Variants in CSMD2 observed in about 807,000 individuals in gnomAD.
CSMD2 encodes the protein CUB and Sushi multiple domains 2.
Under a neutral mutation model 398.5 loss-of-function variants are expected in CSMD2, and 130 were observed. The observed-to-expected ratio is 0.33, with a 90% CI of 0.28 to 0.38. The LOEUF (loss-of-function observed/expected upper bound fraction) is 0.38, where lower values mean the gene tolerates loss of function less well. CSMD2 is among the 10% of genes least tolerant of loss of function. The probability of loss-of-function intolerance (pLI) is 1.00; values close to 1 mark genes in which losing one functional copy is unlikely to be tolerated. For synonymous variants in CSMD2, 1,828 were observed against 1,908.5 expected (o/e 0.96, Z 1.10); for missense variants, 3,829 against 4,764.9 (o/e 0.80, Z 5.78).
intron 39 of CSMD2, among the ~76,000 whole-genome samples, 182 bp downstream of exon 39, chr1:33,616,724 G>T (rs945398450): frequency 1.3e-5 from 2 of 152,234 alleles, no homozygotes; most frequent in African/African-American, 4.8e-5. Flanking sequence ...TTCCAAAAGT[G>T]ATGACTGCAT....
chr1:33,599,991 T>A (rs1349454061), intron 44 of CSMD2: 1 of 610,830 alleles, frequency 1.6e-6, no homozygotes, highest in East Asian at 2.8e-5. Flanking sequence ...TCTATCCACA[T>A]GGTTTTGGGC....
chr1:33,554,687 T>A (rs998333711), intron 55 of CSMD2, among the ~76,000 whole-genome samples: 1 of 152,202 alleles, frequency 6.6e-6, no homozygotes, highest in Admixed American at 6.5e-5. Context: ...GCTCTGCTTG[T>A]GCTCTATAAA....
At chr1:33,940,124 T>G (rs1298261610) in intron 3 of CSMD2, among the ~76,000 whole-genome samples, 3 of 152,160 alleles carry the variant, frequency 2.0e-5, no homozygotes, top group Non-Finnish European at 2.9e-5. Flanking sequence ...TCCTAGCTTC[T>G]GGTGGTTTGC....
intron 49 of CSMD2, among the ~76,000 whole-genome samples, chr1:33,575,014 A>T (rs1261160057): frequency 6.6e-6 from 1 of 152,204 alleles, no homozygotes; most frequent in East Asian, 1.9e-4. Flanking sequence ...CTTGTAGATA[A>T]CTAAGGGGAC....
chr1:33,706,796 G>A, intron 22 of CSMD2, among the ~76,000 whole-genome samples: 1 of 151,870 alleles, frequency 6.6e-6, no homozygotes, highest in African/African-American at 2.4e-5. Flanking sequence ...ACGTGTGTGT[G>A]TGTGCGCGTG....
chr1:33,957,346 T>A (rs1306611160), intron 3 of CSMD2, among the ~76,000 whole-genome samples: 1 of 152,148 alleles, frequency 6.6e-6, no homozygotes, highest in Non-Finnish European at 1.5e-5. Flanking sequence ...ACAGAGCACT[T>A]TGCATGCTGC....
chr1:33,574,031 T>A (rs12120267), intron 49 of CSMD2, among the ~76,000 whole-genome samples: 18,040 of 152,180 alleles, frequency 0.12, 1,368 homozygotes, highest in East Asian at 0.25. Context: ...AAGAAAATGA[T>A]TTATAAACTA....
chr1:33,775,008 G>A (rs867673181), intron 12 of CSMD2, among the ~76,000 whole-genome samples: 20 of 152,218 alleles, frequency 1.3e-4, no homozygotes, highest in Admixed American at 9.8e-4. Context: ...CAGGGGATTC[G>A]TGCTGTGGAT....
At chr1:33,781,311 T>C (rs924446659) in intron 12 of CSMD2, among the ~76,000 whole-genome samples, 3 of 152,234 alleles carry the variant, frequency 2.0e-5, no homozygotes, top group African/African-American at 7.2e-5. Context: ...CCAGGGAGAC[T>C]CCCCTGATGC....
intron 13 of CSMD2, among the ~76,000 whole-genome samples, chr1:33,753,904 T>G (rs1648620908): frequency 6.6e-6 from 1 of 152,192 alleles, no homozygotes; most frequent in African/African-American, 2.4e-5. Flanking sequence ...CCTTTTGGAA[T>G]GAGAATGTTT....
chr1:33,801,978 A>G (rs544614980), intron 10 of CSMD2, among the ~76,000 whole-genome samples: 1 of 152,322 alleles, frequency 6.6e-6, no homozygotes, highest in Non-Finnish European at 1.5e-5. Flanking sequence ...CGTCTTTAAA[A>G]ATAAGTTCTG....
At chr1:33,904,791 C>T (rs1206536894) in intron 5 of CSMD2, among the ~76,000 whole-genome samples, 1 of 152,092 alleles carries the variant, frequency 6.6e-6, no homozygotes, top group Non-Finnish European at 1.5e-5. Context: ...GGACTACAGT[C>T]GCCCACCACC....
At chr1:34,003,998 G>T (rs988651477) in intron 3 of CSMD2, among the ~76,000 whole-genome samples, 1 of 152,126 alleles carries the variant, frequency 6.6e-6, no homozygotes, top group Non-Finnish European at 1.5e-5. Flanking sequence ...ATGCCTACCT[G>T]CCCTCTAGCC....
intron 25 of CSMD2, among the ~76,000 whole-genome samples, chr1:33,681,873 G>A (rs971439119): frequency 2.0e-5 from 3 of 152,148 alleles, no homozygotes; most frequent in Non-Finnish European, 2.9e-5. Context: ...GGCTGAGGTC[G>A]GAGAATCACT....
intron 9 of CSMD2, among the ~76,000 whole-genome samples, chr1:33,817,402 A>AT (rs1330201092): frequency 2.0e-5 from 3 of 152,054 alleles, no homozygotes; most frequent in South Asian, 2.1e-4. Flanking sequence ...GGCGGGGAAG[A>AT]TTTTGTTTTC....
intron 4 of CSMD2, among the ~76,000 whole-genome samples, chr1:33,923,817 G>A (rs1160242757): frequency 6.6e-6 from 1 of 152,182 alleles, no homozygotes; most frequent in African/African-American, 2.4e-5. Context: ...CAGGAGGTGA[G>A]TGTTGAGCAA....
rs67825405 is a variant in CSMD2 at position 33,666,541 on chromosome 1, A to ATG, written c.4053-3451_4053-3450dup. On this transcript the variant is annotated intron_variant, in intron 25 of 70. Transcript: ENST00000373381. Reference sequence around the variant, plus strand: ...TAGTTATTTATTGTCAGATATATATATGTGTGTGTGTGTGTGTGTGTGTGT... The same window carrying ATG: ...TAGTTATTTATTGTCAGATATATATATGTGTGTGTGTGTGTGTGTGTGTGTGT... 6.2e-3 allele frequency among the ~76,000 whole-genome samples: 921 copies of ATG among 148,730 alleles called. 5 individuals are homozygous for ATG. The highest frequency in any genetic ancestry group is 0.019 in the African/African-American group (789 of 40,562).
chr1:33,787,911 GT>G (rs1363841887), intron 12 of CSMD2, among the ~76,000 whole-genome samples: 3 of 152,150 alleles, frequency 2.0e-5, no homozygotes, highest in African/African-American at 7.2e-5. Context: ...GTGTTTATCT[GT>G]TCCTAGCCCT....
chr1:33,790,801 A>C (rs1277455103), intron 11 of CSMD2, among the ~76,000 whole-genome samples: 1 of 148,448 alleles, frequency 6.7e-6, no homozygotes, highest in Non-Finnish European at 1.5e-5. Context: ...CATCTCTCTA[A>C]TATCTATCTA....
Sources: gnomAD v4.1 joint callset for allele counts (sites outside exome capture counted in the v4.1 genomes callset) on GRCh38, gnomAD v4.1.1 for gene constraint, MANE v1.5 for transcripts, NCBI Gene and HGNC (gene_info 2026-07-23, HGNC 2026-07-21) for gene names.